The following EBF1 variants were observed in gnomAD, a reference collection of about 807,000 sequenced individuals.
EBF1 encodes EBF transcription factor 1, also known as transcription factor COE1.
EBF1 carries 10 observed loss-of-function variants against 68.4 expected under a neutral mutation model. That is an observed-to-expected ratio of 0.15 (90% CI 0.09 to 0.25). The LOEUF is 0.25. EBF1 is among the 10% of genes least tolerant of loss of function. The pLI is 1.00. For missense variants in EBF1, 509 were observed against 794.4 expected, an observed-to-expected ratio of 0.64 and a Z score of 4.32; for synonymous variants, 298 against 299.8, an observed-to-expected ratio of 0.99 and a Z score of 0.06.
At chr5:158,719,728 C>G (rs1369631453) in intron 11 of EBF1, among the ~76,000 whole-genome samples, 1 of 152,122 alleles carries the variant, frequency 6.6e-6, no homozygotes, top group Middle Eastern at 3.2e-3. Flanking sequence ...GGCTGATGAT[C>G]ATAAAGCTGA....
intron 10 of EBF1, among the ~76,000 whole-genome samples, chr5:158,773,471 G>A (rs1035207437): frequency 2.0e-5 from 3 of 152,134 alleles, no homozygotes; most frequent in African/African-American, 7.2e-5. Context: ...TCTGATAAGT[G>A]ACCTAACCAG....
intron 6 of EBF1, among the ~76,000 whole-genome samples, chr5:158,883,435 T>C (rs565777922): frequency 3.3e-4 from 50 of 150,630 alleles, no homozygotes; most frequent in African/African-American, 1.2e-3. Flanking sequence ...TATATATATA[T>C]ACACATACAC....
chr5:158,942,320 T>C (rs1813596752), intron 6 of EBF1, among the ~76,000 whole-genome samples: 1 of 152,250 alleles, frequency 6.6e-6, no homozygotes, highest in Non-Finnish European at 1.5e-5. Context: ...GCCCTAGCTC[T>C]GAAATCAGAC....
At chr5:159,073,352 T>A (rs1490192333) in intron 6 of EBF1, 44 bp downstream of exon 6, 4 of 1,601,010 alleles carry the variant, frequency 2.5e-6, no homozygotes, top group Non-Finnish European at 3.4e-6. Flanking sequence ...GGTGTTTCAT[T>A]ATAATGAGGA....
intron 10 of EBF1, among the ~76,000 whole-genome samples, chr5:158,755,043 G>A (rs1769753736): frequency 6.6e-6 from 1 of 152,104 alleles, no homozygotes; most frequent in Admixed American, 6.6e-5. Context: ...ATGAGTTTGG[G>A]ACATCATTTG....
rs544308359 is a variant in EBF1, at chr5:158,844,018, G to A, written c.555-3908C>T. On this transcript the variant is annotated intron_variant, in intron 6 of 15. Coordinates refer to ENST00000313708, the MANE Select transcript of EBF1 (RefSeq NM_024007.5). ...ATGAATTGCTGCATTTTGTGAGGCG[G>A]GTGTGTTTGATAAAGTGTTGTCAGG... is the stretch of plus-strand genomic sequence containing the variant. Among the ~76,000 whole-genome samples, 3 of 152,140 alleles carry A rather than the reference G, an allele frequency of 2.0e-5. No homozygotes were observed. In the South Asian group the frequency reaches 6.2e-4, roughly 32 times the overall value.
chr5:158,990,038 G>C lies in EBF1; in HGVS notation c.554+83358C>G, dbSNP rs949455995. ...CAACACTTCAGAGAAACCATTGGAG[G>C]GGGTGATTAAGAGACGGATCAGGAA... On this transcript the variant is annotated intron_variant, in intron 6 of 15. Transcript: ENST00000313708. 2.0e-5 allele frequency among the ~76,000 whole-genome samples: 3 copies of C among 152,176 alleles called. No individual in the cohort carries two copies. In the East Asian group the frequency reaches 5.8e-4, roughly 29 times the overall value.
chr5:158,762,460 C>G (rs1400173573), intron 10 of EBF1, among the ~76,000 whole-genome samples: 3 of 152,178 alleles, frequency 2.0e-5, no homozygotes, highest in Non-Finnish European at 4.4e-5. Context: ...AAAATCTTTT[C>G]TTTGAATCCT....
chr5:159,064,150 A>G (rs547038073), intron 6 of EBF1, among the ~76,000 whole-genome samples: 19 of 152,254 alleles, frequency 1.2e-4, no homozygotes, highest in African/African-American at 2.4e-4. Flanking sequence ...GTATATATGC[A>G]TATATGTGTG....
At chr5:158,752,368 C>G (rs1769109763) in intron 10 of EBF1, among the ~76,000 whole-genome samples, 1 of 147,018 alleles carries the variant, frequency 6.8e-6, no homozygotes, top group African/African-American at 2.5e-5. Flanking sequence ...ACTTGAATAT[C>G]TTCAAGGATC....
At chr5:158,792,096 C>T (rs1778726882) in intron 9 of EBF1, among the ~76,000 whole-genome samples, 1 of 152,132 alleles carries the variant, frequency 6.6e-6, no homozygotes, top group African/African-American at 2.4e-5. Flanking sequence ...AATCTCACCC[C>T]ACATTAAACA....
chr5:159,008,097 C>T (rs1763919909), intron 6 of EBF1, among the ~76,000 whole-genome samples: 1 of 152,132 alleles, frequency 6.6e-6, no homozygotes, highest in Non-Finnish European at 1.5e-5. Context: ...ACAGTCTGAA[C>T]AACTCATCAT....
intron 5 of EBF1, 44 bp downstream of exon 5, chr5:159,084,622 T>G: frequency 7.1e-7 from 1 of 1,410,702 alleles, no homozygotes; most frequent in Non-Finnish European, 9.6e-7. Flanking sequence ...TGCAAATTCA[T>G]CTTCTCTTTG....
chr5:158,706,449 TA>T (rs1757906866), intron 15 of EBF1, among the ~76,000 whole-genome samples: 1 of 152,144 alleles, frequency 6.6e-6, no homozygotes, highest in Non-Finnish European at 1.5e-5. Context: ...TGGATCAAAT[TA>T]AGCCTCAAGT....
At chr5:158,717,485 T>C (rs965363050) in intron 11 of EBF1, among the ~76,000 whole-genome samples, 1 of 152,176 alleles carries the variant, frequency 6.6e-6, no homozygotes, top group Non-Finnish European at 1.5e-5. Flanking sequence ...AGCACTTGAC[T>C]AGTACTAATA....
chr5:158,906,092 A>G (rs1804524349), intron 6 of EBF1, among the ~76,000 whole-genome samples: 1 of 152,216 alleles, frequency 6.6e-6, no homozygotes, highest in East Asian at 1.9e-4. Flanking sequence ...CAGCTTTACC[A>G]TGAGGGGAAG....
intron 9 of EBF1, among the ~76,000 whole-genome samples, chr5:158,784,606 CTG>C (rs1777052000): frequency 6.6e-6 from 1 of 152,070 alleles, no homozygotes; most frequent in Admixed American, 6.5e-5. Context: ...CAAAAAATAA[CTG>C]GGGTTACTAG....
At chr5:158,943,239 A>C (rs1429204421) in intron 6 of EBF1, among the ~76,000 whole-genome samples, 3 of 152,086 alleles carry the variant, frequency 2.0e-5, no homozygotes, top group Non-Finnish European at 4.4e-5. Flanking sequence ...TTCTAACTAG[A>C]CAGTCTTTAG....
chr5:159,023,957 T>G (rs973977149), intron 6 of EBF1, among the ~76,000 whole-genome samples: 4 of 152,098 alleles, frequency 2.6e-5, no homozygotes, highest in Non-Finnish European at 5.9e-5. Context: ...GCTTTATGAG[T>G]ATGTTTCTTT....
Sources: allele counts gnomAD v4.1 joint callset (sites outside exome capture counted in the v4.1 genomes callset), GRCh38; gene constraint gnomAD v4.1.1; transcripts MANE v1.5; gene names NCBI Gene and HGNC (gene_info 2026-07-23, HGNC 2026-07-21).